Variants in CFAP69 observed in about 807,000 individuals in gnomAD.
The protein encoded by CFAP69 is cilia and flagella associated protein 69.
Under a neutral mutation model 123.0 loss-of-function variants are expected in CFAP69, and 92 were observed. The observed-to-expected ratio is 0.75, with a 90% CI of 0.63 to 0.89. CFAP69 has a LOEUF of 0.89. Ranked by LOEUF, CFAP69 falls within the 40% of genes least tolerant of loss-of-function variation. The pLI is 0.00. For missense variants in CFAP69, 1,067 were observed against 1,096.9 expected (o/e 0.97, Z 0.39); for synonymous variants, 380 against 364.3 (o/e 1.04, Z -0.49).
chr7:90,282,777 G>A (rs778900901), intron 12 of CFAP69, 115 bp from the exon 13 acceptor site: 1 of 841,078 alleles, frequency 1.2e-6, no homozygotes. Flanking sequence ...AAAAACTAAA[G>A]CAAATATGAC....
At chr7:90,268,589 A>T (rs1050988655) in intron 6 of CFAP69, among the ~76,000 whole-genome samples, 1 of 152,170 alleles carries the variant, frequency 6.6e-6, no homozygotes, top group Non-Finnish European at 1.5e-5. Context: ...TTTTATTCTG[A>T]TGCTAAATAT....
chr7:90,308,952 A>C (rs1793991017), intron 21 of CFAP69, among the ~76,000 whole-genome samples: 1 of 152,132 alleles, frequency 6.6e-6, no homozygotes, highest in South Asian at 2.1e-4. Flanking sequence ...TAGCTTATTA[A>C]ATTATGTGCT....
rs202059941 is a variant in CFAP69 at position 90,296,845 on chromosome 7, A to G, written c.1776-904A>G. Among the ~76,000 whole-genome samples, 13 of 152,314 alleles carry G rather than the reference A, an allele frequency of 8.5e-5. No homozygotes were observed. In the East Asian group the frequency reaches 2.3e-3, roughly 27 times the overall value. ...TATCTGTTGAAATGGGTAAGTTATT[A>G]TCTAAAAACTGGGGATCAATAGAAA... On this transcript the variant is annotated intron_variant, in intron 15 of 22. Coordinates refer to ENST00000389297, the MANE Select transcript of CFAP69 (RefSeq NM_001039706.3).
intron 13 of CFAP69, among the ~76,000 whole-genome samples, chr7:90,285,690 G>A (rs1444511931): frequency 2.0e-5 from 3 of 152,168 alleles, no homozygotes; most frequent in Admixed American, 2.0e-4. Context: ...TAACCATGAG[G>A]AGAGGAAGAG....
chr7:90,251,883 G>A (rs1797053869), intron 1 of CFAP69: 1 of 152,118 alleles, frequency 6.6e-6, no homozygotes, highest in Non-Finnish European at 1.5e-5. Context: ...GAAAAAATCT[G>A]AAAATACACA....
chr7:90,295,188 C>G (rs1289343587), intron 15 of CFAP69, among the ~76,000 whole-genome samples: 1 of 152,146 alleles, frequency 6.6e-6, no homozygotes, highest in East Asian at 1.9e-4. Flanking sequence ...AATTAACATC[C>G]CATAGTGCCA....
rs537773233 is a variant in CFAP69 at position 90,307,043 on chromosome 7, T to C, written c.2408T>C (p.Ile803Thr). The C allele has an allele frequency of 8.1e-5, 131 of 1,613,276 alleles. 3 individuals are homozygous for C. In the Admixed American group the frequency reaches 2.0e-3, roughly 25 times the overall value. ...GKMVASLQSD[I>T]IESQACQDMQ... ...ATGGTTGCTTCTCTGCAAAGTGATA[T>C]AATTGAAAGCCAAGCATGCCAAGAC... is the stretch of plus-strand genomic sequence containing the variant. Residue 803 changes from isoleucine to threonine, a missense_variant, in exon 20 of 23, where the codon ATA becomes ACA. Transcript: ENST00000389297.
At chr7:90,305,591 G>T (rs1793465328) in intron 19 of CFAP69, among the ~76,000 whole-genome samples, 1 of 151,490 alleles carries the variant, frequency 6.6e-6, no homozygotes, top group Admixed American at 6.6e-5. Context: ...GTATTCTCAT[G>T]CCTGCAATCC....
At position 90,310,708 on chromosome 7, in the gene CFAP69, C is replaced by CA. The variant is rs1794242379; in HGVS notation, c.*471dup. On this transcript the variant is annotated 3_prime_UTR_variant, in exon 23 of 23. Coordinates refer to ENST00000389297, the MANE Select transcript of CFAP69 (RefSeq NM_001039706.3). ...CATGCCTGTGTCTCTGTGGTTTCTG[C>CA]AGCTGCCTATGCATCTCAGGACCCC... The CA allele has an allele frequency of 6.5e-6, 1 of 152,674 alleles. No homozygotes were observed. Among genetic ancestry groups the CA allele is most frequent in the Admixed American group, 6.6e-5 (1 of 15,264 alleles). The allele number at this position is 152,674 out of a possible 1,614,324, so 9.5% of individuals were successfully genotyped here.
Position 90,274,116 on chromosome 7 carries a change from T to C in CFAP69, c.984+6T>C. ...ATCCTGAAGCACCAATGATTGTAAG[T>C]ATGAATCAAATTGCATTAATTTTAA... On this transcript the variant is annotated splice_donor_region_variant and intron_variant, in intron 9 of 22. Coordinates refer to ENST00000389297, the MANE Select transcript of CFAP69 (RefSeq NM_001039706.3). The C allele has an allele frequency of 2.5e-6, 4 of 1,593,062 alleles. No homozygotes were observed. The highest frequency in any genetic ancestry group is 3.4e-6 in the Non-Finnish European group (4 of 1,173,782).
At chr7:90,252,029 ATCCTGC>A (rs1406316092) in intron 1 of CFAP69, 1 of 151,768 alleles carries the variant, frequency 6.6e-6, no homozygotes, top group African/African-American at 2.4e-5. Flanking sequence ...AAAAAAAAAA[ATCCTGC>A]ATTGACATTT....
rs375609853 is a variant in CFAP69 at position 90,289,797 on chromosome 7, G to C, written c.1775+1445G>C. 1.4e-4 allele frequency among the ~76,000 whole-genome samples: 21 copies of C among 152,306 alleles called. No individual in the cohort carries two copies. The East Asian group carries it at 3.7e-3, about 27-fold the overall frequency. ...CAATCTACCTGGAATTGATTTGTAT[G>C]TATGGTGTAAGGTGAGGTACAAGTT... On this transcript the variant is annotated intron_variant, in intron 15 of 22. Transcript: ENST00000389297.
chr7:90,256,139 T>C (rs1166708184), intron 2 of CFAP69, among the ~76,000 whole-genome samples: 2 of 152,094 alleles, frequency 1.3e-5, no homozygotes, highest in Non-Finnish European at 2.9e-5. Flanking sequence ...CAAATGCCCA[T>C]CAATGATAGA....
chr7:90,251,492 A>C (rs1157231593), intron 1 of CFAP69, among the ~76,000 whole-genome samples: 1 of 152,208 alleles, frequency 6.6e-6, no homozygotes, highest in East Asian at 1.9e-4. Flanking sequence ...TGTTGGCCAG[A>C]GTTATTTTGT....
chr7:90,303,799 A>ATAGC (rs1793159170), intron 17 of CFAP69, 170 bp from the exon 18 acceptor site: 1 of 1,193,118 alleles, frequency 8.4e-7, no homozygotes, highest in Admixed American at 4.2e-5. Flanking sequence ...TGGGGAAGAA[A>ATAGC]TAGCTGCTTA....
intron 17 of CFAP69, 164 bp from the exon 18 acceptor site, chr7:90,303,805 G>C (rs1793159615): frequency 2.5e-6 from 3 of 1,202,094 alleles, no homozygotes; most frequent in South Asian, 3.8e-5. Flanking sequence ...AGAAATAGCT[G>C]CTTAATTATT....
At chr7:90,280,124 A>G (rs1053401789) in intron 12 of CFAP69, among the ~76,000 whole-genome samples, 1 of 152,216 alleles carries the variant, frequency 6.6e-6, no homozygotes, top group African/African-American at 2.4e-5. Context: ...CATACATGTA[A>G]TTTGAATTTT....
intron 20 of CFAP69, among the ~76,000 whole-genome samples, chr7:90,307,516 G>GT (rs1281944197): frequency 6.6e-6 from 1 of 151,978 alleles, no homozygotes; most frequent in African/African-American, 2.4e-5. Flanking sequence ...TTATTTTGTG[G>GT]TTTTCTCTTA....
intron 16 of CFAP69, among the ~76,000 whole-genome samples, chr7:90,299,083 A>G (rs527406102): frequency 3.1e-4 from 47 of 152,262 alleles, no homozygotes; most frequent in African/African-American, 1.1e-3. Context: ...TGCAGGTAAT[A>G]TTATTATCCT....
Sources: gnomAD v4.1 joint callset for allele counts (sites outside exome capture counted in the v4.1 genomes callset) on GRCh38, gnomAD v4.1.1 for gene constraint, MANE v1.5 for transcripts, NCBI Gene and HGNC (gene_info 2026-07-23, HGNC 2026-07-21) for gene names.